DSCAM: variants seen among roughly 807,000 people sequenced by gnomAD.
DSCAM encodes DS cell adhesion molecule, also known as cell adhesion molecule DSCAM.
A neutral mutation model predicts 217.7 loss-of-function variants in DSCAM; 47 were observed. That is an observed-to-expected ratio of 0.22 (90% CI 0.17 to 0.28). DSCAM has a LOEUF of 0.28. Among genes scored for constraint, DSCAM ranks in the 10% least tolerant of loss-of-function variants. The pLI is 1.00. For missense variants in DSCAM, 2,080 were observed against 2,618.3 expected (o/e 0.79, Z 4.49); for synonymous variants, 1,056 against 1,015.3 (o/e 1.04, Z -0.76).
At chr21:40,212,205 T>C (rs2091192367) in intron 11 of DSCAM, 1 of 154,182 alleles carries the variant, frequency 6.5e-6, no homozygotes, top group Middle Eastern at 5.3e-4. Context: ...CCTGACCTCA[T>C]GATCTGCCTG....
At chr21:40,165,238 T>C (rs2090581292) in intron 16 of DSCAM, among the ~76,000 whole-genome samples, 1 of 152,270 alleles carries the variant, frequency 6.6e-6, no homozygotes, top group Non-Finnish European at 1.5e-5. Flanking sequence ...AGGCATGTTA[T>C]ATGTAACATA....
At chr21:40,089,748 C>A (rs1170115268) in intron 21 of DSCAM, among the ~76,000 whole-genome samples, 1 of 152,122 alleles carries the variant, frequency 6.6e-6, no homozygotes, top group Non-Finnish European at 1.5e-5. Context: ...TGGGTGGGGG[C>A]TGCCCAACTG....
chr21:40,251,340 C>T (rs1302782753), intron 11 of DSCAM, among the ~76,000 whole-genome samples: 2 of 152,006 alleles, frequency 1.3e-5, no homozygotes, highest in African/African-American at 2.4e-5. Flanking sequence ...TGCTTCAGCA[C>T]ATATTAGCAG....
At chr21:40,699,909 A>C (rs757508592) in intron 2 of DSCAM, among the ~76,000 whole-genome samples, 3 of 152,194 alleles carry the variant, frequency 2.0e-5, no homozygotes, top group Non-Finnish European at 4.4e-5. Context: ...GGCTGCCCTA[A>C]ACAATATATT....
At chr21:40,793,172 A>G (rs2091662085) in intron 1 of DSCAM, among the ~76,000 whole-genome samples, 1 of 152,202 alleles carries the variant, frequency 6.6e-6, no homozygotes, top group Non-Finnish European at 1.5e-5. Context: ...ATAAAATGTT[A>G]TTGAACTCTT....
intron 3 of DSCAM, among the ~76,000 whole-genome samples, chr21:40,442,732 G>C (rs920438158): frequency 1.3e-5 from 2 of 151,950 alleles, no homozygotes; most frequent in Non-Finnish European, 2.9e-5. Flanking sequence ...GGCTGGTCCC[G>C]AACTCCTGAC....
chr21:40,305,870 T>C (rs1368976654), intron 9 of DSCAM, among the ~76,000 whole-genome samples: 1 of 152,198 alleles, frequency 6.6e-6, no homozygotes, highest in Non-Finnish European at 1.5e-5. Flanking sequence ...TGAAGTCAGG[T>C]AGCATGATGC....
intron 3 of DSCAM, among the ~76,000 whole-genome samples, chr21:40,497,033 C>A (rs1320953079): frequency 1.3e-5 from 2 of 152,072 alleles, no homozygotes; most frequent in Non-Finnish European, 2.9e-5. Flanking sequence ...CCCTAGTACT[C>A]TATTGGTGGA....
intron 1 of DSCAM, among the ~76,000 whole-genome samples, chr21:40,764,463 A>T (rs1406300124): frequency 6.6e-6 from 1 of 152,200 alleles, no homozygotes; most frequent in Non-Finnish European, 1.5e-5. Context: ...GACGCTGGTG[A>T]GGATGCAGAG....
intron 3 of DSCAM, among the ~76,000 whole-genome samples, chr21:40,507,706 C>A (rs577569650): frequency 6.6e-6 from 1 of 152,170 alleles, no homozygotes; most frequent in Non-Finnish European, 1.5e-5. Flanking sequence ...AGGAGGATCT[C>A]TTGAGCCTGG....
chr21:40,589,871 A>G (rs1056297727), intron 3 of DSCAM, among the ~76,000 whole-genome samples: 1 of 152,204 alleles, frequency 6.6e-6, no homozygotes, highest in African/African-American at 2.4e-5. Flanking sequence ...ATGTCTGGAT[A>G]ACATAGCCAA....
chr21:40,681,166 G>A (rs1357818727), intron 3 of DSCAM, among the ~76,000 whole-genome samples: 1 of 152,178 alleles, frequency 6.6e-6, no homozygotes, highest in Non-Finnish European at 1.5e-5. Flanking sequence ...TTTTCCTTTT[G>A]AGGAAGGAAA....
chr21:40,198,582 G>T (rs1168125730), intron 11 of DSCAM, among the ~76,000 whole-genome samples: 1 of 152,212 alleles, frequency 6.6e-6, no homozygotes, highest in Non-Finnish European at 1.5e-5. Flanking sequence ...GCAGGGAGGG[G>T]TGCCACACCC....
chr21:40,058,872 G>A (rs2089069686), intron 28 of DSCAM, among the ~76,000 whole-genome samples: 1 of 152,300 alleles, frequency 6.6e-6, no homozygotes, highest in South Asian at 2.1e-4. Flanking sequence ...AGCAAAAATT[G>A]CATCTTTTTT....
Position 40,312,210 on chromosome 21 carries a change from T to G in DSCAM, c.1933A>C (p.Ile645Leu). ...RPIPGSLGVT[I>L]DNIDFTSSLR... ...GAGCTCGTGAAGTCAATATTGTCAA[T>G]GGTCACCCCAAGGCTCCCAGGGATT... The change falls in exon 9 of 33, where the codon ATT becomes CTT. Residue 645 changes from isoleucine (I) to leucine (L), a missense_variant. Physicochemically the swap from Ile to Leu is conservative, Grantham distance 5. Around this residue, in one of 5 missense-constraint regions of DSCAM, gnomAD observed 218 missense variants for 364.1 expected, o/e 0.60. Transcript: ENST00000400454. 6.2e-7 allele frequency: 1 copy of G among 1,614,074 alleles called. No individual in the cohort carries two copies. Among genetic ancestry groups the G allele is most frequent in the Non-Finnish European group, 8.5e-7 (1 of 1,180,004 alleles).
rs370513438 is a variant in DSCAM, at chr21:40,479,886, A to C, written c.509-110641T>G. ...AATATTTTGAATCTTATTTTCAGAC[A>C]TATGTGTGTGTACATGCGTATGCAT... On this transcript the variant is annotated intron_variant, in intron 3 of 32. Transcript: ENST00000400454. 3.0e-4 allele frequency among the ~76,000 whole-genome samples: 46 copies of C among 151,284 alleles called. No individual in the cohort carries two copies. The South Asian group carries it at 9.1e-3, about 30-fold the overall frequency.
intron 1 of DSCAM, among the ~76,000 whole-genome samples, chr21:40,832,616 T>C (rs1362504632): frequency 6.6e-6 from 1 of 152,190 alleles, no homozygotes; most frequent in Admixed American, 6.5e-5. Flanking sequence ...GGCTATCGTT[T>C]CCAGCCAGAT....
At chr21:40,257,456 G>A (rs2073388226) in intron 11 of DSCAM, among the ~76,000 whole-genome samples, 2 of 103,394 alleles carry the variant, frequency 1.9e-5, no homozygotes, top group African/African-American at 7.3e-5. Flanking sequence ...CAAAGGGCTG[G>A]CTGTATTTGC....
chr21:40,461,616 G>A (rs888697569), intron 3 of DSCAM, among the ~76,000 whole-genome samples: 8 of 151,466 alleles, frequency 5.3e-5, no homozygotes, highest in East Asian at 1.9e-4. Context: ...ATCCCAATCC[G>A]CAGAACCTGT....
Sources: gnomAD v4.1 joint callset for allele counts (sites outside exome capture counted in the v4.1 genomes callset) on GRCh38, gnomAD v4.1.1 for gene constraint, gnomAD v4.1.1 regional missense constraint, MANE v1.5 for transcripts, NCBI Gene and HGNC (gene_info 2026-07-23, HGNC 2026-07-21) for gene names.